Variants in DCDC1 observed in about 807,000 individuals in gnomAD.
The protein encoded by DCDC1 is doublecortin domain containing 1, also known as doublecortin domain-containing protein 1.
Under a neutral mutation model 178.3 loss-of-function variants are expected in DCDC1, and 200 were observed. The observed-to-expected ratio is 1.12, with a 90% confidence interval of 1.00 to 1.26. The LOEUF (loss-of-function observed/expected upper bound fraction) is 1.26. DCDC1 is among the 50% of genes most tolerant of loss of function. The pLI is 0.00. For missense variants in DCDC1, 1,983 were observed against 1,749.2 expected, an observed-to-expected ratio of 1.13 and a Z score of -2.38; for synonymous variants, 690 against 604.8, an observed-to-expected ratio of 1.14 and a Z score of -2.07.
At chr11:31,225,796 C>T (rs1252683135) in intron 9 of DCDC1, among the ~76,000 whole-genome samples, 2 of 150,734 alleles carry the variant, frequency 1.3e-5, no homozygotes, top group African/African-American at 2.4e-5. Flanking sequence ...AGGATTTGAT[C>T]GAGTTGGATT....
intron 6 of DCDC1, among the ~76,000 whole-genome samples, chr11:31,291,825 T>C (rs1041284886): frequency 6.6e-6 from 1 of 152,132 alleles, no homozygotes; most frequent in African/African-American, 2.4e-5. Flanking sequence ...TTTGCCCAGA[T>C]TTTCAAATGA....
At chr11:31,341,430 G>GATAC (rs1306643792) in intron 1 of DCDC1, among the ~76,000 whole-genome samples, 2 of 141,922 alleles carry the variant, frequency 1.4e-5, no homozygotes, top group Non-Finnish European at 3.2e-5. Flanking sequence ...TAGATAGATA[G>GATAC]ATAGATAGAC....
Position 31,137,679 on chromosome 11 carries a change from G to A in DCDC1, c.1314+13C>T, listed in dbSNP as rs755066818. The A allele has an allele frequency of 4.7e-5, 33 of 701,852 alleles. No individual in the cohort carries two copies. 43.5% of individuals were successfully genotyped at this position (701,852 alleles called of 1,614,324 possible). ...GCAGTTTTAAAATACAGTTTACAAA[G>A]TAATTTCCTTACTTCTTCCTGTTCC... On this transcript the variant is annotated intron_variant, in intron 10 of 38. Coordinates refer to ENST00000684477, the MANE Select transcript of DCDC1 (RefSeq NM_001387274.1).
intron 18 of DCDC1, among the ~76,000 whole-genome samples, chr11:31,072,950 G>C (rs1289650822): frequency 6.6e-6 from 1 of 152,080 alleles, no homozygotes; most frequent in Non-Finnish European, 1.5e-5. Context: ...GCCAAGATTA[G>C]TTATTAATAT....
chr11:30,954,435 T>C lies in DCDC1; in HGVS notation c.2592-1867A>G, dbSNP rs559416879. ...TTTGCAGAACATGGGACAGATCTTT[T>C]CATGTGATATAAAATACTTTAAACC... On this transcript the variant is annotated intron_variant, in intron 20 of 38. Transcript: ENST00000684477. Among the ~76,000 whole-genome samples, 8 of 152,304 alleles carry C rather than the reference T, an allele frequency of 5.3e-5. No individual in the cohort carries two copies. In the South Asian group the frequency reaches 1.5e-3, roughly 28 times the overall value.
intron 9 of DCDC1, among the ~76,000 whole-genome samples, chr11:31,231,616 G>A (rs997873659): frequency 6.6e-6 from 1 of 152,068 alleles, no homozygotes; most frequent in Non-Finnish European, 1.5e-5. Context: ...TACATCTCCT[G>A]CTCTTTGTAT....
At chr11:31,211,464 A>T in intron 9 of DCDC1, among the ~76,000 whole-genome samples, 1 of 152,150 alleles carries the variant, frequency 6.6e-6, no homozygotes, top group African/African-American at 2.4e-5. Context: ...TCCCACCTGC[A>T]CTGTTTTAAG....
At chr11:30,999,843 C>A (rs1951474358) in intron 20 of DCDC1, among the ~76,000 whole-genome samples, 1 of 152,038 alleles carries the variant, frequency 6.6e-6, no homozygotes, top group African/African-American at 2.4e-5. Flanking sequence ...TATTTGTTGG[C>A]AATCTTAGGA....
intron 7 of DCDC1, among the ~76,000 whole-genome samples, chr11:31,282,167 T>C (rs972322370): frequency 2.6e-5 from 4 of 152,118 alleles, no homozygotes; most frequent in Non-Finnish European, 5.9e-5. Context: ...TCATGAAAGG[T>C]TGATAAAATT....
chr11:31,048,708 T>A (rs1388845270), intron 20 of DCDC1, among the ~76,000 whole-genome samples: 8 of 151,838 alleles, frequency 5.3e-5, no homozygotes, highest in African/African-American at 1.7e-4. Context: ...AAAAAAAAAA[T>A]TAGCCAGACG....
chr11:31,135,673 G>A (rs764266113), intron 10 of DCDC1, among the ~76,000 whole-genome samples: 2 of 151,950 alleles, frequency 1.3e-5, no homozygotes, highest in Non-Finnish European at 2.9e-5. Context: ...TATTCTCCTC[G>A]CTGTGTATTT....
Position 31,337,658 on chromosome 11 carries a change from C to CTCAATCAA in DCDC1, c.-124-2102_-124-2095dup, listed in dbSNP as rs3059707. ...CCTGCCTGGGTGAGTGAGACCCTGT[C>CTCAATCAA]TCAATCAATCAATCAATCAATCAAT... On this transcript the variant is annotated intron_variant, in intron 1 of 38. Transcript: ENST00000684477. 4.4e-3 allele frequency among the ~76,000 whole-genome samples: 660 copies of CTCAATCAA among 150,122 alleles called. 1 individual carries two copies. The highest frequency in any genetic ancestry group is 6.9e-3 in the Middle Eastern group (2 of 290).
intron 9 of DCDC1, among the ~76,000 whole-genome samples, chr11:31,157,366 A>ATATATATAT (rs530324583): frequency 3.1e-5 from 3 of 96,756 alleles, no homozygotes; most frequent in Admixed American, 1.0e-4. Context: ...AAAAAAAAAA[A>ATATATATAT]AAAAAAATAT....
intron 6 of DCDC1, among the ~76,000 whole-genome samples, chr11:31,292,951 G>A (rs981862218): frequency 5.9e-5 from 9 of 152,184 alleles, no homozygotes; most frequent in Non-Finnish European, 1.3e-4. Context: ...TTTGCATGGT[G>A]AAAGGGTATT....
intron 9 of DCDC1, among the ~76,000 whole-genome samples, chr11:31,148,905 C>G (rs1042363393): frequency 1.3e-5 from 2 of 151,882 alleles, no homozygotes; most frequent in African/African-American, 4.8e-5. Context: ...CGCCCAACTT[C>G]CCCCCAAGTC....
chr11:31,211,361 T>G (rs754638883), intron 9 of DCDC1, among the ~76,000 whole-genome samples: 15 of 152,246 alleles, frequency 9.9e-5, no homozygotes, highest in Admixed American at 9.8e-4. Flanking sequence ...AGTATTTGTA[T>G]ACACAATTGC....
intron 7 of DCDC1, among the ~76,000 whole-genome samples, chr11:31,277,528 A>G (rs1035046295): frequency 6.6e-6 from 1 of 152,150 alleles, no homozygotes; most frequent in Non-Finnish European, 1.5e-5. Flanking sequence ...GTCATTTTGC[A>G]TTCTTATCAG....
intron 20 of DCDC1, among the ~76,000 whole-genome samples, chr11:30,976,638 T>C (rs1950118952): frequency 6.6e-6 from 1 of 151,724 alleles, no homozygotes. Context: ...TGAGATATCA[T>C]CTCACCCCAG....
In DCDC1 at chr11:30,876,860, C is replaced by T. The variant is rs528487555; in HGVS notation, c.*40+1684G>A. On this transcript the variant is annotated intron_variant, in intron 38 of 38. Coordinates refer to ENST00000684477, the MANE Select transcript of DCDC1 (RefSeq NM_001387274.1). ...TCATTCTAGGGAGAGGCCCAGTTGG[C>T]AAGAGTCCTCTTGGCTCCCTTTCCA... 4.6e-5 allele frequency among the ~76,000 whole-genome samples: 7 copies of T among 152,042 alleles called. No homozygotes were observed. The East Asian group carries it at 1.4e-3, about 29-fold the overall frequency.
Sources: allele counts gnomAD v4.1 joint callset (sites outside exome capture counted in the v4.1 genomes callset), GRCh38; gene constraint gnomAD v4.1.1; transcripts MANE v1.5; gene names NCBI Gene and HGNC (gene_info 2026-07-23, HGNC 2026-07-21).